GID8: variants seen among roughly 807,000 people sequenced by gnomAD.
GID8 encodes glucose-induced degradation protein 8 homolog.
In GID8, 6 loss-of-function variants were observed where a neutral mutation model predicts 27.4. The observed-to-expected ratio is 0.22, with a 90% confidence interval of 0.12 to 0.43. The LOEUF is 0.43. GID8 is among the 20% of genes least tolerant of loss of function. GID8 has a pLI of 1.00. For synonymous variants in GID8, 112 were observed against 109.0 expected, an observed-to-expected ratio of 1.03 and a Z score of -0.17; for missense variants, 173 against 287.6, an observed-to-expected ratio of 0.60 and a Z score of 2.88.
Position 62,943,818 on chromosome 20 carries a change from T to C in GID8, c.513+126T>C, listed in dbSNP as rs371652039. 305 of 659,804 alleles carry C rather than the reference T, an allele frequency of 4.6e-4. 6 individuals carry two copies. In the South Asian group the frequency reaches 5.7e-3, roughly 12 times the overall value. 40.9% of individuals were successfully genotyped at this position (659,804 alleles called of 1,614,324 possible). ...CAGGTGGCTTCTGTGCCTGGGATGC[T>C]AAGTGGTTCCTTCATGGCTTTTTTT... On this transcript the variant is annotated intron_variant, in intron 4 of 4. Coordinates refer to ENST00000266069, the MANE Select transcript of GID8 (RefSeq NM_017896.3). This position sits in a 1 kb window ranked among gnomAD's most constrained non-coding sequence, Gnocchi z 4.7.
In GID8 at chr20:62,945,344, T is replaced by G; in HGVS notation, c.*432T>G. On this transcript the variant is annotated 3_prime_UTR_variant, in exon 5 of 5. Coordinates refer to ENST00000266069, the MANE Select transcript of GID8 (RefSeq NM_017896.3). ...TCACCTACAAGTTTTTCCTTACCCCTGTGGTTTTTGTGTTTTTTTTTTTTT... is the reference window on the plus strand; with the variant it reads ...TCACCTACAAGTTTTTCCTTACCCCGGTGGTTTTTGTGTTTTTTTTTTTTT... The G allele has an allele frequency of 1.0e-6, 1 of 987,114 alleles. No homozygotes were observed. The highest frequency in any genetic ancestry group is 1.2e-6 in the Non-Finnish European group (1 of 831,930). 61.1% of individuals were successfully genotyped at this position (987,114 alleles called of 1,614,324 possible).
intron 1 of GID8, among the ~76,000 whole-genome samples, chr20:62,940,076 C>T (rs1387814233): frequency 6.6e-6 from 1 of 152,086 alleles, no homozygotes; most frequent in Non-Finnish European, 1.5e-5. Flanking sequence ...AGGTTTGCCA[C>T]GTACATATTT....
chr20:62,943,479 C>G lies in GID8; in HGVS notation c.316-16C>G. On this transcript the variant is annotated splice_polypyrimidine_tract_variant and intron_variant, in intron 3 of 4. Transcript: ENST00000266069. The surrounding 1 kb of genome is among the most constrained non-coding windows in gnomAD (Gnocchi z 4.7). ...CTGGGTGTGTGGGGGTCAAGCTTGTCTGTCTCTGCCTCCAGCAACAGCATT... is the reference window on the plus strand; with the variant it reads ...CTGGGTGTGTGGGGGTCAAGCTTGTGTGTCTCTGCCTCCAGCAACAGCATT... 6.2e-7 allele frequency: 1 copy of G among 1,610,354 alleles called. No homozygotes were observed. Among genetic ancestry groups the G allele is most frequent in the Non-Finnish European group, 8.5e-7 (1 of 1,178,770 alleles).
Position 62,943,506 on chromosome 20 carries a change from G to C in GID8, c.327G>C (p.Leu109Phe). The change falls in exon 4 of 5, where the codon TTG becomes TTC. Residue 109 changes from leucine to phenylalanine, a missense_variant. Coordinates refer to ENST00000266069, the MANE Select transcript of GID8 (RefSeq NM_017896.3). This position sits in a 1 kb window ranked among gnomAD's most constrained non-coding sequence, Gnocchi z 4.7. ...YLYFHLQQQH[L>F]IELIRQRETE... ...GTCTCTGCCTCCAGCAACAGCATTT[G>C]ATCGAGCTGATCCGCCAGCGGGAGA... The C allele has an allele frequency of 6.2e-7, 1 of 1,612,114 alleles. No individual in the cohort carries two copies. The highest frequency in any genetic ancestry group is 8.5e-7 in the Non-Finnish European group (1 of 1,179,978).
chr20:62,943,808 C>A lies in GID8; in HGVS notation c.513+116C>A. The stretch of plus-strand genomic sequence containing the variant: ...GACTGAGAGACAGGTGGCTTCTGTG[C>A]CTGGGATGCTAAGTGGTTCCTTCAT... On this transcript the variant is annotated intron_variant, in intron 4 of 4. Coordinates refer to ENST00000266069, the MANE Select transcript of GID8 (RefSeq NM_017896.3). This position sits in a 1 kb window ranked among gnomAD's most constrained non-coding sequence, Gnocchi z 4.7. The A allele has an allele frequency of 1.4e-6, 1 of 732,044 alleles. No individual in the cohort carries two copies. Among genetic ancestry groups the A allele is most frequent in the Non-Finnish European group, 2.3e-6 (1 of 438,152 alleles). 45.3% of individuals were successfully genotyped at this position (732,044 alleles called of 1,614,324 possible). A position where few individuals can be genotyped will look rare whatever the true frequency, so the allele number is the denominator to read the frequency against.
chr20:62,939,269 C>A (rs1420507444), intron 1 of GID8, among the ~76,000 whole-genome samples: 1 of 152,210 alleles, frequency 6.6e-6, no homozygotes, highest in Non-Finnish European at 1.5e-5. Flanking sequence ...ACCTGCCGCT[C>A]CACATCAAGT....
Position 62,944,960 on chromosome 20 carries a change from C to A in GID8, c.*48C>A. On this transcript the variant is annotated 3_prime_UTR_variant, in exon 5 of 5. Transcript: ENST00000266069. ...CCAACACCAGCCCTGCGTCGTGGGA[C>A]TTGCCTCAGATCAGCCTGCGACTGC... The A allele has an allele frequency of 1.3e-6, 2 of 1,564,532 alleles. No individual in the cohort carries two copies. The highest frequency in any genetic ancestry group is 1.7e-6 in the Non-Finnish European group (2 of 1,153,416).
Position 62,948,407 on chromosome 20 carries a change from G to A in GID8, c.*3495G>A, listed in dbSNP as rs573104379. On this transcript the variant is annotated 3_prime_UTR_variant, in exon 5 of 5. Transcript: ENST00000266069. ...TGTGCCCCTCTGTATCTTTTGAGAA[G>A]TGCGGAATAGGTTGCTTCTACCACC... The A allele has an allele frequency of 6.6e-5, 10 of 152,298 alleles. No individual in the cohort carries two copies. The South Asian group carries it at 2.1e-3, about 32-fold the overall frequency. 9.4% of individuals were successfully genotyped at this position (152,298 alleles called of 1,614,324 possible).
At chr20:62,942,165 T>C (rs942931020) in intron 2 of GID8, among the ~76,000 whole-genome samples, 5 of 152,270 alleles carry the variant, frequency 3.3e-5, no homozygotes, top group African/African-American at 1.2e-4. Flanking sequence ...TCTGTGAAAC[T>C]TTTTTGGGCC....
At position 62,945,958 on chromosome 20, in the gene GID8, G is replaced by A; in HGVS notation, c.*1046G>A. ...GATGTCCTGCTTCTGTTCACTCACAGAACTGTCCCCTGCTCCGTGGTGGGC... is the reference window on the plus strand; with the variant it reads ...GATGTCCTGCTTCTGTTCACTCACAAAACTGTCCCCTGCTCCGTGGTGGGC... On this transcript the variant is annotated 3_prime_UTR_variant, in exon 5 of 5. Transcript: ENST00000266069. 1 of 1,289,484 alleles carries A rather than the reference G, an allele frequency of 7.8e-7. No individual in the cohort carries two copies. The highest frequency in any genetic ancestry group is 1.0e-6 in the Non-Finnish European group (1 of 988,876). The allele number at this position is 1,289,484 out of a possible 1,614,324, so 79.9% of individuals were successfully genotyped here.
rs150642490 is a variant in GID8 at position 62,941,523 on chromosome 20, C to T, written c.21C>T (p.Pro7=). The change falls in exon 2 of 5, where the codon CCC becomes CCT. Residue 7 remains proline (P), a synonymous_variant. Coordinates refer to ENST00000266069, the MANE Select transcript of GID8 (RefSeq NM_017896.3). The stretch of plus-strand genomic sequence containing the variant: ...TCAGAATGAGTTATGCAGAAAAACC[C>T]GATGAAATCACGAAAGATGAGTGGA... MSYAEK[P]DEITKDEWME... is the part of the protein sequence containing the mutation. 12 of 1,610,038 alleles carry T rather than the reference C, an allele frequency of 7.5e-6. No individual in the cohort carries two copies. The highest frequency in any genetic ancestry group is 1.0e-5 in the Non-Finnish European group (12 of 1,176,488).
intron 1 of GID8, among the ~76,000 whole-genome samples, chr20:62,939,823 T>C (rs150290218): frequency 1.3e-5 from 2 of 152,308 alleles, no homozygotes; most frequent in Non-Finnish European, 2.9e-5. Flanking sequence ...AGACCAAAGT[T>C]TTTTAATTTA....
At position 62,945,356 on chromosome 20, in the gene GID8, GT is replaced by G. The variant is rs11479536; in HGVS notation, c.*457del. The G allele has an allele frequency of 0.22, 180,027 of 806,722 alleles. 6,491 individuals carry two copies. Among genetic ancestry groups the G allele is most frequent in the Middle Eastern group, 0.35 (561 of 1,618 alleles). The allele number at this position is 806,722 out of a possible 1,614,324, so 50.0% of individuals were successfully genotyped here. A position where few individuals can be genotyped will look rare whatever the true frequency, so the allele number is the denominator to read the frequency against. ...TTTTCCTTACCCCTGTGGTTTTTGT[GT>G]TTTTTTTTTTTTCTTTTTCCATAGG... On this transcript the variant is annotated 3_prime_UTR_variant, in exon 5 of 5. Transcript: ENST00000266069.
rs1489039149 is a variant in GID8 at position 62,944,923 on chromosome 20, T to G, written c.*11T>G. 6.2e-7 allele frequency: 1 copy of G among 1,604,620 alleles called. No homozygotes were observed. Among genetic ancestry groups the G allele is most frequent in the African/African-American group, 1.3e-5 (1 of 74,504 alleles). ...GAGGAGCCCAAGTAGCGCCTGCGCT[T>G]GCGTGGTGGATCCAACACCAGCCCT... On this transcript the variant is annotated 3_prime_UTR_variant, in exon 5 of 5. Coordinates refer to ENST00000266069, the MANE Select transcript of GID8 (RefSeq NM_017896.3).
chr20:62,940,489 A>G (rs1184346624), intron 1 of GID8, among the ~76,000 whole-genome samples: 1 of 151,930 alleles, frequency 6.6e-6, no homozygotes, highest in Non-Finnish European at 1.5e-5. Flanking sequence ...AGCTGGGACT[A>G]CAGGCGCCCG....
rs191003145 is a variant in GID8 at position 62,944,937 on chromosome 20, A to G, written c.*25A>G. On this transcript the variant is annotated 3_prime_UTR_variant, in exon 5 of 5. Transcript: ENST00000266069. ...GCGCCTGCGCTTGCGTGGTGGATCC[A>G]ACACCAGCCCTGCGTCGTGGGACTT... 1 of 1,597,438 alleles carries G rather than the reference A, an allele frequency of 6.3e-7. No homozygotes were observed. The highest frequency in any genetic ancestry group is 1.7e-5 in the Admixed American group (1 of 57,878).
rs2065471610 is a variant in GID8, at chr20:62,947,559, C to T, written c.*2647C>T. On this transcript the variant is annotated 3_prime_UTR_variant, in exon 5 of 5. Transcript: ENST00000266069. Reference sequence around the variant, plus strand: ...ATTCTGGTACTCTGTGTTCCAGATGCATGAAATTGGGTGAGGAATAACCCC... The same window carrying T: ...ATTCTGGTACTCTGTGTTCCAGATGTATGAAATTGGGTGAGGAATAACCCC... 6.6e-6 allele frequency: 1 copy of T among 152,590 alleles called. No individual in the cohort carries two copies. Among genetic ancestry groups the T allele is most frequent in the African/African-American group, 2.4e-5 (1 of 41,436 alleles). 9.5% of individuals were successfully genotyped at this position (152,590 alleles called of 1,614,324 possible).
At chr20:62,944,683 A>G (rs2065457834) in intron 4 of GID8, 56 bp from the exon 5 acceptor site, 1 of 1,208,284 alleles carries the variant, frequency 8.3e-7, no homozygotes, top group Non-Finnish European at 1.2e-6. Context: ...TTTTTAATAG[A>G]CTCTGCTGGT....
In GID8 at chr20:62,941,594, G is replaced by A. The variant is rs1568902555; in HGVS notation, c.92G>A (p.Arg31His). The change falls in exon 2 of 5, where the codon CGC (arginine) becomes CAC (histidine). Residue 31 changes from arginine (R) to histidine (H), a missense_variant. Coordinates refer to ENST00000266069, the MANE Select transcript of GID8 (RefSeq NM_017896.3). ...NLHVQRADMN[R>H]LIMNYLVTEG... is the part of the protein sequence containing the mutation. ...CATGTCCAGAGAGCAGACATGAACC[G>A]CCTCATCATGAACTACCTGGTCACA... 1.2e-6 allele frequency: 2 copies of A among 1,600,236 alleles called. No homozygotes were observed. The highest frequency in any genetic ancestry group is 1.7e-6 in the Non-Finnish European group (2 of 1,167,418).
Sources: allele counts gnomAD v4.1 joint callset (sites outside exome capture counted in the v4.1 genomes callset), GRCh38; gene constraint gnomAD v4.1.1; non-coding constraint Gnocchi (gnomAD v3.1); transcripts MANE v1.5; gene names NCBI Gene and HGNC (gene_info 2026-07-23, HGNC 2026-07-21).